The following PTPN4 variants were observed in gnomAD, a reference collection of about 807,000 sequenced individuals.
PTPN4 encodes tyrosine-protein phosphatase non-receptor type 4.
PTPN4 carries 49 observed loss-of-function variants against 135.5 expected under a neutral mutation model. The observed-to-expected ratio is 0.36, with a 90% CI of 0.29 to 0.46. PTPN4 has a LOEUF of 0.46. PTPN4 is among the 20% of genes least tolerant of loss of function. The pLI, the probability that PTPN4 is intolerant of heterozygous loss-of-function variation, is 1.00. For missense variants in PTPN4, 860 were observed against 1,101.0 expected (o/e 0.78, Z 3.10); for synonymous variants, 333 against 369.9 (o/e 0.90, Z 1.14).
intron 3 of PTPN4, among the ~76,000 whole-genome samples, chr2:119,871,286 G>A (rs945677756): frequency 1.4e-4 from 21 of 151,818 alleles, no homozygotes; most frequent in African/African-American, 3.9e-4. Flanking sequence ...TTGGAAGGCA[G>A]ATGGCAGCAT....
chr2:119,862,687 C>T (rs1181748324), intron 3 of PTPN4, 44 bp downstream of exon 3: 6 of 1,508,400 alleles, frequency 4.0e-6, no homozygotes, highest in Non-Finnish European at 5.5e-6. Context: ...AGTTTTTCCT[C>T]TCAGTTTAGT....
At chr2:119,810,471 T>C (rs2104948747) in intron 2 of PTPN4, among the ~76,000 whole-genome samples, 1 of 152,360 alleles carries the variant, frequency 6.6e-6, no homozygotes, top group Middle Eastern at 3.4e-3. Context: ...ATTTGTGAGT[T>C]TTACCCATGT....
chr2:119,883,961 G>A (rs1171608256), intron 8 of PTPN4, among the ~76,000 whole-genome samples: 11 of 152,164 alleles, frequency 7.2e-5, no homozygotes, highest in East Asian at 1.9e-4. Context: ...GTGCAGTGGC[G>A]CGATCTCAGC....
chr2:119,828,694 C>T (rs1677178995), intron 2 of PTPN4, among the ~76,000 whole-genome samples: 1 of 152,060 alleles, frequency 6.6e-6, no homozygotes, highest in Admixed American at 6.6e-5. Context: ...TCAAAAATAC[C>T]TTATATTTTA....
intron 2 of PTPN4, among the ~76,000 whole-genome samples, chr2:119,839,519 G>A (rs1167857513): frequency 6.6e-6 from 1 of 152,154 alleles, no homozygotes; most frequent in Non-Finnish European, 1.5e-5. Context: ...CACTTGTTAA[G>A]TATATCAGAA....
intron 10 of PTPN4, among the ~76,000 whole-genome samples, chr2:119,906,039 A>G (rs929805414): frequency 6.6e-6 from 1 of 152,192 alleles, no homozygotes; most frequent in Non-Finnish European, 1.5e-5. Flanking sequence ...TTAATGATGC[A>G]TCTCAAGGAA....
chr2:119,895,773 T>C (rs1322225261), intron 9 of PTPN4, among the ~76,000 whole-genome samples: 4 of 151,722 alleles, frequency 2.6e-5, no homozygotes, highest in Non-Finnish European at 4.4e-5. Context: ...TACAAAAAAT[T>C]AGCTGGGCGC....
chr2:119,818,285 CTTGA>C (rs1200608201), intron 2 of PTPN4, among the ~76,000 whole-genome samples: 4 of 152,166 alleles, frequency 2.6e-5, no homozygotes, highest in Non-Finnish European at 5.9e-5. Flanking sequence ...TGTCTTGTCT[CTTGA>C]TTGTCAGTCA....
chr2:119,846,996 A>T (rs1677508737), intron 2 of PTPN4, among the ~76,000 whole-genome samples: 3 of 150,950 alleles, frequency 2.0e-5, no homozygotes, highest in African/African-American at 7.3e-5. Context: ...ATGTCTAGTA[A>T]GCTGAGAGAA....
intron 19 of PTPN4, among the ~76,000 whole-genome samples, chr2:119,954,865 G>A (rs1402227750): frequency 1.3e-5 from 2 of 152,252 alleles, no homozygotes; most frequent in East Asian, 1.9e-4. Context: ...AAGAGCGGGT[G>A]TATTCACAGC....
chr2:119,887,501 A>G (rs1054009076), intron 9 of PTPN4, among the ~76,000 whole-genome samples: 2 of 152,124 alleles, frequency 1.3e-5, no homozygotes, highest in African/African-American at 2.4e-5. Flanking sequence ...TAGTATTTTT[A>G]TAGTTTCGGG....
chr2:119,891,085 C>G (rs1027882281), intron 9 of PTPN4, among the ~76,000 whole-genome samples: 2 of 152,160 alleles, frequency 1.3e-5, no homozygotes, highest in African/African-American at 4.8e-5. Flanking sequence ...ACATTATTAT[C>G]TGCTTGGGGG....
rs70949378 is a variant in PTPN4, at chr2:119,973,655, G to GTTTTTTTTTTTTTTTTTTTTTTTTTTTTT, written c.2695-3302_2695-3301insTTTTTTTTTTTTTTTTTTTTTTTTTTTTT. 5.7e-4 allele frequency among the ~76,000 whole-genome samples: 22 copies of GTTTTTTTTTTTTTTTTTTTTTTTTTTTTT among 38,392 alleles called. 7 individuals are homozygous for GTTTTTTTTTTTTTTTTTTTTTTTTTTTTT. Among genetic ancestry groups the GTTTTTTTTTTTTTTTTTTTTTTTTTTTTT allele is most frequent in the African/African-American group, 1.4e-3 (11 of 7,952 alleles). 25.2% of individuals were successfully genotyped at this position (38,392 alleles called of 152,430 possible). A position where few individuals can be genotyped will look rare whatever the true frequency, so the allele number is the denominator to read the frequency against. ...TTGAAAGCTTCCTCCTTCATTTCTT[G>GTTTTTTTTTTTTTTTTTTTTTTTTTTTTT]TTTTTTTTTTTTTTTTTTTTTTTTT... is the stretch of plus-strand genomic sequence containing the variant. On this transcript the variant is annotated intron_variant, in intron 26 of 26. Coordinates refer to ENST00000263708, the MANE Select transcript of PTPN4 (RefSeq NM_002830.4).
Position 119,797,207 on chromosome 2 carries a change from G to A in PTPN4, c.-17-12630G>A, listed in dbSNP as rs558813534. On this transcript the variant is annotated intron_variant, in intron 1 of 26. Transcript: ENST00000263708. ...CAGATAGTTTAATTTTGATGATGTC[G>A]AAAGAGTGATGAAGAAAAGATTAGC... 9.3e-4 allele frequency among the ~76,000 whole-genome samples: 142 copies of A among 152,162 alleles called. 1 individual carries two copies. Among genetic ancestry groups the A allele is most frequent in the African/African-American group, 3.0e-3 (124 of 41,532 alleles).
chr2:119,782,384 A>G (rs1184521576), intron 1 of PTPN4, among the ~76,000 whole-genome samples: 1 of 152,078 alleles, frequency 6.6e-6, no homozygotes, highest in African/African-American at 2.4e-5. Context: ...ATGCCACTGC[A>G]CTCTAGCCTG....
At chr2:119,870,205 G>A (rs1446463711) in intron 3 of PTPN4, among the ~76,000 whole-genome samples, 2 of 152,020 alleles carry the variant, frequency 1.3e-5, no homozygotes, top group East Asian at 3.8e-4. Flanking sequence ...ATACCATTTA[G>A]GAGACATACA....
intron 2 of PTPN4, among the ~76,000 whole-genome samples, chr2:119,847,412 C>A (rs1677521162): frequency 6.6e-6 from 1 of 150,506 alleles, no homozygotes; most frequent in Non-Finnish European, 1.5e-5. Flanking sequence ...ACTGCAACCT[C>A]CGCCTCCCAG....
chr2:119,962,777 G>C, intron 24 of PTPN4, 33 bp downstream of exon 24: 1 of 1,481,214 alleles, frequency 6.8e-7, no homozygotes, highest in African/African-American at 1.4e-5. Context: ...CATTAGAACT[G>C]TTGTGTTCAG....
intron 3 of PTPN4, among the ~76,000 whole-genome samples, chr2:119,873,169 GT>G (rs113550051): frequency 0.025 from 3,677 of 144,964 alleles, 61 homozygotes; most frequent in Non-Finnish European, 0.034. Context: ...TTTTTTCTGG[GT>G]TTTTTTTTTT....
Sources: gnomAD v4.1 joint callset for allele counts (sites outside exome capture counted in the v4.1 genomes callset) on GRCh38, gnomAD v4.1.1 for gene constraint, MANE v1.5 for transcripts, NCBI Gene and HGNC (gene_info 2026-07-23, HGNC 2026-07-21) for gene names.